Variants in KLHL24 observed in about 807,000 individuals in gnomAD.
KLHL24 encodes the protein kelch like family member 24.
KLHL24 carries 29 observed loss-of-function variants against 53.4 expected under a neutral mutation model. The ratio of observed to expected loss-of-function variants is 0.54; its 90% confidence interval spans 0.40 to 0.74. The LOEUF is 0.74. Ranked by LOEUF, KLHL24 falls within the 30% of genes least tolerant of loss-of-function variation. The probability of loss-of-function intolerance (pLI) is 0.00; values close to 1 mark genes in which losing one functional copy is unlikely to be tolerated. For missense variants in KLHL24, 504 were observed against 744.0 expected (o/e 0.68, Z 3.75); for synonymous variants, 222 against 253.7 (o/e 0.88, Z 1.19).
chr3:183,681,105 C>T lies in KLHL24; in HGVS notation c.*1819C>T, dbSNP rs1712629783. The T allele has an allele frequency of 6.6e-6, 1 of 151,750 alleles. No individual in the cohort carries two copies. Among genetic ancestry groups the T allele is most frequent in the Admixed American group, 6.6e-5 (1 of 15,232 alleles). 9.4% of individuals were successfully genotyped at this position (151,750 alleles called of 1,614,324 possible). On this transcript the variant is annotated 3_prime_UTR_variant, in exon 8 of 8. Coordinates refer to ENST00000242810, the MANE Select transcript of KLHL24 (RefSeq NM_017644.3). ...ATCATAATTTTAAAATGATAGATAC[C>T]ATTTTGTGATAACAACAATTCAGAA...
rs1435669269 is a variant in KLHL24 at position 183,681,233 on chromosome 3, AATT to A, written c.*1951_*1953del. On this transcript the variant is annotated 3_prime_UTR_variant, in exon 8 of 8. Transcript: ENST00000242810. ...TGCATTATACTCTTATAGATAATAG[AATT>A]ATTTAGTTAAGAAATTCTTTACAGT... is the stretch of plus-strand genomic sequence containing the variant. The A allele has an allele frequency of 5.9e-5, 9 of 152,262 alleles. No individual in the cohort carries two copies. Among genetic ancestry groups the A allele is most frequent in the Non-Finnish European group, 1.5e-5 (1 of 67,914 alleles). 9.4% of individuals were successfully genotyped at this position (152,262 alleles called of 1,614,324 possible). A position where few individuals can be genotyped will look rare whatever the true frequency, so the allele number is the denominator to read the frequency against.
chr3:183,665,766 A>G (rs1340815122), intron 5 of KLHL24, among the ~76,000 whole-genome samples: 1 of 152,136 alleles, frequency 6.6e-6, no homozygotes. Context: ...TAAAAATAAA[A>G]ATAAAAAAAC....
At chr3:183,637,324 A>T (rs1011630475) in intron 1 of KLHL24, among the ~76,000 whole-genome samples, 2 of 152,184 alleles carry the variant, frequency 1.3e-5, no homozygotes, top group Non-Finnish European at 2.9e-5. Context: ...TTTAAAAAAG[A>T]TAGTTTGAAG....
chr3:183,677,687 A>G (rs980289802), intron 7 of KLHL24, among the ~76,000 whole-genome samples: 3 of 152,362 alleles, frequency 2.0e-5, no homozygotes. Flanking sequence ...AACTCTCTGA[A>G]TTAAAGTGAA....
At position 183,680,713 on chromosome 3, in the gene KLHL24, C is replaced by G. The variant is rs994912788; in HGVS notation, c.*1427C>G. 6.6e-6 allele frequency: 1 copy of G among 152,032 alleles called. No homozygotes were observed. The highest frequency in any genetic ancestry group is 2.1e-4 in the South Asian group (1 of 4,798). 9.4% of individuals were successfully genotyped at this position (152,032 alleles called of 1,614,324 possible). Reference sequence around the variant, plus strand: ...TTCTAATGCAAATAAATGGATATGGCAGGAACTACAGCATAAGTGATTATT... The same window carrying G: ...TTCTAATGCAAATAAATGGATATGGGAGGAACTACAGCATAAGTGATTATT... On this transcript the variant is annotated 3_prime_UTR_variant, in exon 8 of 8. Transcript: ENST00000242810.
At chr3:183,667,684 CTGCG>C (rs991325317) in intron 5 of KLHL24, among the ~76,000 whole-genome samples, 5 of 152,132 alleles carry the variant, frequency 3.3e-5, no homozygotes, top group Admixed American at 1.3e-4. Flanking sequence ...TTGGGGACTG[CTGCG>C]TAGAATACTA....
intron 2 of KLHL24, among the ~76,000 whole-genome samples, chr3:183,647,298 T>C (rs28793406): frequency 0.34 from 50,828 of 151,612 alleles, 9,360 homozygotes; most frequent in African/African-American, 0.49. Context: ...CGCCTGTAGT[T>C]CCAGTTACTC....
intron 3 of KLHL24, among the ~76,000 whole-genome samples, chr3:183,660,731 T>C (rs898564806): frequency 3.3e-5 from 5 of 152,092 alleles, no homozygotes; most frequent in Non-Finnish European, 5.9e-5. Context: ...TGGAAAGCCT[T>C]ACCACACAAA....
Position 183,672,382 on chromosome 3 carries a change from A to G in KLHL24, c.1500A>G (p.Leu500=). ...AAAGGTGTATAACAGCTGTATCCCT[A>G]AACAACCTGATCTATGTTGCCGGTG... The part of the protein sequence containing the change: ...IAKRCITAVS[L]NNLIYVAGGL... Residue 500 remains leucine, a synonymous_variant, in exon 7 of 8, where the codon CTA becomes CTG. Coordinates refer to ENST00000242810, the MANE Select transcript of KLHL24 (RefSeq NM_017644.3). The G allele has an allele frequency of 6.2e-7, 1 of 1,613,552 alleles. No homozygotes were observed. Among genetic ancestry groups the G allele is most frequent in the Non-Finnish European group, 8.5e-7 (1 of 1,179,698 alleles).
In KLHL24 at chr3:183,679,155, G is replaced by A. The variant is rs1712414115; in HGVS notation, c.1672G>A (p.Ala558Thr). ...GGGCGGAAGACGGGAAAATGGAGAA[G>A]CCACAGACACTATTCTCTGTTATGA... ...ILGGRRENGE[A>T]TDTILCYDPA... The change falls in exon 8 of 8, where the codon GCC becomes ACC. Residue 558 changes from alanine to threonine, a missense_variant. Ala to Thr is a moderately conservative substitution (Grantham distance 58). Transcript: ENST00000242810. 1.1e-5 allele frequency: 17 copies of A among 1,613,534 alleles called. No individual in the cohort carries two copies. The highest frequency in any genetic ancestry group is 1.4e-5 in the Non-Finnish European group (17 of 1,179,468).
intron 1 of KLHL24, chr3:183,636,600 G>A (rs1372045467): frequency 6.6e-6 from 1 of 152,294 alleles, no homozygotes; most frequent in African/African-American, 2.4e-5. Flanking sequence ...GGACACCCCG[G>A]GTGAAGACTG....
intron 1 of KLHL24, among the ~76,000 whole-genome samples, chr3:183,638,640 A>ATTGT (rs1476646181): frequency 2.6e-5 from 4 of 152,184 alleles, no homozygotes; most frequent in African/African-American, 9.7e-5. Flanking sequence ...AAAAACCGCT[A>ATTGT]TTGTTTCTCC....
chr3:183,650,434 T>C lies in KLHL24; in HGVS notation c.78T>C (p.Val26=). 6.2e-7 allele frequency: 1 copy of C among 1,614,120 alleles called. No homozygotes were observed. Among genetic ancestry groups the C allele is most frequent in the Non-Finnish European group, 8.5e-7 (1 of 1,180,024 alleles). The change falls in exon 3 of 8, where the codon GTT becomes GTC. Residue 26 remains valine, a synonymous_variant. Transcript: ENST00000242810. This position sits in a 1 kb window ranked among gnomAD's most constrained non-coding sequence, Gnocchi z 4.5. The part of the protein sequence containing the change: ...VRDSPATKRK[V]FEMDPKSLTG... The stretch of plus-strand genomic sequence containing the variant: ...ATTCCCCAGCAACTAAGCGAAAAGT[T>C]TTTGAAATGGACCCCAAATCTCTGA...
chr3:183,646,289 G>A (rs1576892769), intron 2 of KLHL24, among the ~76,000 whole-genome samples: 1 of 149,796 alleles, frequency 6.7e-6, no homozygotes, highest in Non-Finnish European at 1.5e-5. Flanking sequence ...TTGAACCTGG[G>A]AGGTGGAGGT....
chr3:183,653,300 T>G (rs1576915088), intron 3 of KLHL24, among the ~76,000 whole-genome samples: 4 of 152,352 alleles, frequency 2.6e-5, no homozygotes, highest in African/African-American at 9.6e-5. Context: ...TTCTGTCCCT[T>G]ACATTTATCT....
At chr3:183,667,114 G>A (rs1720677279) in intron 5 of KLHL24, among the ~76,000 whole-genome samples, 1 of 152,002 alleles carries the variant, frequency 6.6e-6, no homozygotes, top group African/African-American at 2.4e-5. Context: ...TTCCCCACAG[G>A]GGTTTCTTAA....
At position 183,677,241 on chromosome 3, in the gene KLHL24, A is replaced by T. The variant is rs58660498; in HGVS notation, c.1603-1845A>T. Among the ~76,000 whole-genome samples the T allele has an allele frequency of 8.1e-3, 1,228 of 152,240 alleles. 13 individuals carry two copies. Among genetic ancestry groups the T allele is most frequent in the African/African-American group, 0.028 (1,179 of 41,554 alleles). The stretch of plus-strand genomic sequence containing the variant: ...ATTGTTTTAGAATCATCCTCAAAAT[A>T]ACTAGAGGTTCAATAGTGGGAACTA... On this transcript the variant is annotated intron_variant, in intron 7 of 7. Coordinates refer to ENST00000242810, the MANE Select transcript of KLHL24 (RefSeq NM_017644.3).
chr3:183,640,258 TCTTC>T (rs1716167667), intron 1 of KLHL24, among the ~76,000 whole-genome samples: 1 of 152,256 alleles, frequency 6.6e-6, no homozygotes, highest in Non-Finnish European at 1.5e-5. Context: ...CAAGTTTTTT[TCTTC>T]CTTTAGGGTT....
At chr3:183,643,846 G>A (rs1344875789) in intron 2 of KLHL24, among the ~76,000 whole-genome samples, 1 of 152,026 alleles carries the variant, frequency 6.6e-6, no homozygotes, top group Non-Finnish European at 1.5e-5. Context: ...GTCTAGAGAT[G>A]CCTACTTAGT....
Sources: allele counts gnomAD v4.1 joint callset (sites outside exome capture counted in the v4.1 genomes callset), GRCh38; gene constraint gnomAD v4.1.1; non-coding constraint Gnocchi (gnomAD v3.1); transcripts MANE v1.5; gene names NCBI Gene and HGNC (gene_info 2026-07-23, HGNC 2026-07-21).